The following OLA1 variants were observed in gnomAD, a reference collection of about 807,000 sequenced individuals.
The protein encoded by OLA1 is obg-like ATPase 1.
OLA1 carries 14 observed loss-of-function variants against 48.4 expected under a neutral mutation model. The ratio of observed to expected loss-of-function variants is 0.29; its 90% confidence interval spans 0.19 to 0.45. The LOEUF (loss-of-function observed/expected upper bound fraction) is 0.45. Ranked by LOEUF, OLA1 falls within the 20% of genes least tolerant of loss-of-function variation. OLA1 has a pLI of 1.00. For missense variants in OLA1, 325 were observed against 467.1 expected (o/e 0.70, Z 2.80); for synonymous variants, 127 against 150.4 (o/e 0.84, Z 1.14).
At chr2:174,192,474 C>T (rs576316835) in intron 4 of OLA1, among the ~76,000 whole-genome samples, 15 of 152,270 alleles carry the variant, frequency 9.9e-5, no homozygotes, top group Admixed American at 5.2e-4. Flanking sequence ...CTCATTCATT[C>T]ATTCATATTT....
intron 4 of OLA1, among the ~76,000 whole-genome samples, chr2:174,192,489 C>T (rs544051713): frequency 5.3e-5 from 8 of 152,244 alleles, no homozygotes; most frequent in South Asian, 4.1e-4. Context: ...ATATTTCACA[C>T]GACAACTGCA....
intron 4 of OLA1, among the ~76,000 whole-genome samples, chr2:174,148,194 T>C (rs1036650533): frequency 1.1e-4 from 16 of 152,278 alleles, no homozygotes; most frequent in Admixed American, 1.0e-3. Flanking sequence ...CTAGACCAGC[T>C]TGGCCAATGT....
intron 7 of OLA1, among the ~76,000 whole-genome samples, chr2:174,082,497 A>C (rs1455575903): frequency 6.6e-6 from 1 of 152,156 alleles, no homozygotes; most frequent in Non-Finnish European, 1.5e-5. Flanking sequence ...GCCCTTCACA[A>C]ATAAATAATT....
chr2:174,135,862 G>T (rs77016136), intron 5 of OLA1, among the ~76,000 whole-genome samples: 1 of 152,104 alleles, frequency 6.6e-6, no homozygotes, highest in Non-Finnish European at 1.5e-5. Context: ...AGTGAGTATC[G>T]CTATAAAGCA....
intron 5 of OLA1, among the ~76,000 whole-genome samples, chr2:174,138,844 G>A (rs1166246368): frequency 5.3e-5 from 8 of 152,034 alleles, no homozygotes; most frequent in African/African-American, 1.9e-4. Flanking sequence ...TATTACTGAG[G>A]ACATTAATTT....
intron 5 of OLA1, among the ~76,000 whole-genome samples, chr2:174,124,781 A>T (rs1281130608): frequency 2.0e-5 from 3 of 152,202 alleles, no homozygotes; most frequent in African/African-American, 7.2e-5. Flanking sequence ...ATAATCAGTT[A>T]TTCTTCTTTA....
chr2:174,147,201 C>T lies in OLA1; in HGVS notation c.374-5201G>A, dbSNP rs545357250. ...CAGCACTTTGGGAGGCCGAGGTGGG[C>T]GGATCACCTGAGGTCAGGAGTTCGA... On this transcript the variant is annotated intron_variant, in intron 4 of 10. Coordinates refer to ENST00000284719, the MANE Select transcript of OLA1 (RefSeq NM_013341.5). Among the ~76,000 whole-genome samples, 12 of 152,104 alleles carry T rather than the reference C, an allele frequency of 7.9e-5. No homozygotes were observed. In the East Asian group the frequency reaches 9.7e-4, roughly 12 times the overall value.
At chr2:174,171,455 A>G (rs750490849) in intron 4 of OLA1, among the ~76,000 whole-genome samples, 10 of 152,224 alleles carry the variant, frequency 6.6e-5, no homozygotes, top group African/African-American at 9.6e-5. Context: ...TTAGAAATCA[A>G]TAACAGTAAG....
At chr2:174,075,803 T>C (rs1432266891) in intron 10 of OLA1, among the ~76,000 whole-genome samples, 1 of 152,172 alleles carries the variant, frequency 6.6e-6, no homozygotes, top group Non-Finnish European at 1.5e-5. Flanking sequence ...TATCATTAAG[T>C]TTCATTACAC....
chr2:174,247,685 TTCCACCAAGTCCC>T, intron 1 of OLA1: 1 of 1,551,146 alleles, frequency 6.4e-7, no homozygotes. Context: ...ACTGGGGTCC[TTCCACCAAGTCCC>T]TCCCACCTTT....
intron 4 of OLA1, among the ~76,000 whole-genome samples, chr2:174,176,338 T>C (rs1687419021): frequency 6.6e-6 from 1 of 152,132 alleles, no homozygotes; most frequent in South Asian, 2.1e-4. Flanking sequence ...GAAATCTTAA[T>C]ATGGGAGAAT....
chr2:174,167,374 A>G (rs1406421968), intron 4 of OLA1, among the ~76,000 whole-genome samples: 1 of 152,198 alleles, frequency 6.6e-6, no homozygotes, highest in Admixed American at 6.5e-5. Context: ...TCAGGAGTTC[A>G]AGACCAGGCT....
intron 7 of OLA1, among the ~76,000 whole-genome samples, chr2:174,106,796 C>G (rs756361633): frequency 1.3e-5 from 2 of 152,112 alleles, no homozygotes; most frequent in Non-Finnish European, 2.9e-5. Flanking sequence ...TAATCACCCT[C>G]CAGAATTTCT....
intron 7 of OLA1, among the ~76,000 whole-genome samples, chr2:174,117,638 G>T (rs1230214927): frequency 6.6e-6 from 1 of 152,096 alleles, no homozygotes; most frequent in Non-Finnish European, 1.5e-5. Flanking sequence ...TGCTGCACAG[G>T]AAAGAACGGT....
At chr2:174,145,333 GT>G (rs531908406) in intron 4 of OLA1, among the ~76,000 whole-genome samples, 67 of 151,690 alleles carry the variant, frequency 4.4e-4, no homozygotes, top group African/African-American at 1.4e-3. Flanking sequence ...AGTTTCTAGG[GT>G]TTTTTTTCCC....
In OLA1 at chr2:174,245,723, G is replaced by A. The variant is rs371328281; in HGVS notation, c.101+992C>T. Among the ~76,000 whole-genome samples, 34 of 151,986 alleles carry A rather than the reference G, an allele frequency of 2.2e-4. 1 individual carries two copies. The East Asian group carries it at 6.2e-3, about 28-fold the overall frequency. On this transcript the variant is annotated intron_variant, in intron 2 of 10. Transcript: ENST00000284719. ...AGCCTGGCCAACATGGTAAAACCCC[G>A]TCTCTACTAAAAATAGAAAAATTAG... is the stretch of plus-strand genomic sequence containing the variant.
In OLA1 at chr2:174,072,714, T is replaced by C. The variant is rs556061963; in HGVS notation, c.*2712A>G. On this transcript the variant is annotated 3_prime_UTR_variant, in exon 11 of 11. Transcript: ENST00000284719. Reference sequence around the variant, plus strand: ...TTTGGAAATATTATACACAGACAACTAGAGACAAACATCAAACTGGAATTT... The same window carrying C: ...TTTGGAAATATTATACACAGACAACCAGAGACAAACATCAAACTGGAATTT... The C allele has an allele frequency of 6.6e-6, 1 of 152,206 alleles. No homozygotes were observed. Among genetic ancestry groups the C allele is most frequent in the East Asian group, 1.9e-4 (1 of 5,178 alleles). 9.4% of individuals were successfully genotyped at this position (152,206 alleles called of 1,614,324 possible). A position where few individuals can be genotyped will look rare whatever the true frequency, so the allele number is the denominator to read the frequency against.
At chr2:174,218,052 T>A (rs1281854202) in intron 4 of OLA1, 1 of 152,136 alleles carries the variant, frequency 6.6e-6, no homozygotes, top group Non-Finnish European at 1.5e-5. Context: ...CAGGCTACAG[T>A]GCAGTGGCTA....
chr2:174,242,187 C>T (rs549494427), intron 2 of OLA1, among the ~76,000 whole-genome samples: 4 of 152,214 alleles, frequency 2.6e-5, no homozygotes, highest in South Asian at 2.1e-4. Flanking sequence ...GGGACTGGAC[C>T]GTGAATTGGC....
Sources: gnomAD v4.1 joint callset for allele counts (sites outside exome capture counted in the v4.1 genomes callset) on GRCh38, gnomAD v4.1.1 for gene constraint, MANE v1.5 for transcripts, NCBI Gene and HGNC (gene_info 2026-07-23, HGNC 2026-07-21) for gene names.